The following NDST3 variants were observed in gnomAD, a reference collection of about 807,000 sequenced individuals.
NDST3 encodes the protein N-deacetylase and N-sulfotransferase 3, also known as bifunctional heparan sulfate N-deacetylase/N-sulfotransferase 3.
NDST3 carries 58 observed loss-of-function variants against 96.1 expected under a neutral mutation model. The ratio of observed to expected loss-of-function variants is 0.60; its 90% CI spans 0.49 to 0.75. NDST3 has a LOEUF of 0.75. NDST3 is among the 30% of genes least tolerant of loss of function. NDST3 has a pLI of 0.00. For synonymous variants in NDST3, 333 were observed against 359.7 expected (o/e 0.93, Z 0.84); for missense variants, 788 against 1,034.2 (o/e 0.76, Z 3.27).
At chr4:118,225,665 T>C (rs1159463379) in intron 7 of NDST3, among the ~76,000 whole-genome samples, 1 of 152,168 alleles carries the variant, frequency 6.6e-6, no homozygotes, top group Non-Finnish European at 1.5e-5. Flanking sequence ...GAAGTAGAAC[T>C]CAGTAACTTT....
chr4:118,043,251 A>C (rs1465367869), intron 1 of NDST3, among the ~76,000 whole-genome samples: 1 of 152,224 alleles, frequency 6.6e-6, no homozygotes, highest in East Asian at 1.9e-4. Context: ...GTAACTTCAA[A>C]AGATAAGTTA....
chr4:118,236,644 T>G (rs1032974664), intron 9 of NDST3, among the ~76,000 whole-genome samples: 1 of 152,234 alleles, frequency 6.6e-6, no homozygotes, highest in African/African-American at 2.4e-5. Flanking sequence ...CTCTAAATCC[T>G]TTTAAAATGT....
chr4:118,091,079 G>C (rs1038570889), intron 2 of NDST3, among the ~76,000 whole-genome samples: 2 of 151,424 alleles, frequency 1.3e-5, no homozygotes, highest in African/African-American at 2.4e-5. Context: ...AAACAAAAAT[G>C]CTGTTAGAAT....
chr4:118,233,618 TCAA>T (rs1740452837), intron 9 of NDST3, among the ~76,000 whole-genome samples: 1 of 152,124 alleles, frequency 6.6e-6, no homozygotes, highest in Admixed American at 6.5e-5. Flanking sequence ...AAAAAAACTA[TCAA>T]CAATACACAG....
intron 8 of NDST3, among the ~76,000 whole-genome samples, chr4:118,231,999 T>C (rs13130953): frequency 0.061 from 9,286 of 152,250 alleles, 384 homozygotes; most frequent in Non-Finnish European, 0.092. Flanking sequence ...TTCTCTTCCC[T>C]AGTAAATGCA....
chr4:118,194,152 G>T, intron 6 of NDST3: 1 of 874,000 alleles, frequency 1.1e-6, no homozygotes, highest in Non-Finnish European at 1.9e-6. Context: ...CTTTCTACAT[G>T]CACTGAATGG....
chr4:118,033,659 T>C (rs1294423650), upstream of NDST3: 1 of 151,610 alleles, frequency 6.6e-6, no homozygotes, highest in Non-Finnish European at 1.5e-5. Context: ...CCCAGGGCCG[T>C]GGTTCTCCAG....
intron 6 of NDST3, among the ~76,000 whole-genome samples, chr4:118,150,554 A>G (rs1734318894): frequency 6.6e-6 from 1 of 150,556 alleles, no homozygotes; most frequent in African/African-American, 2.5e-5. Flanking sequence ...AAAACAAACA[A>G]CCCCATCAAA....
chr4:118,066,179 A>G (rs1378293714), intron 2 of NDST3, among the ~76,000 whole-genome samples: 1 of 23,044 alleles, frequency 4.3e-5, no homozygotes, highest in Non-Finnish European at 1.2e-4. Context: ...TATTTTATAT[A>G]TTATATATCT....
rs768992581 is a variant in NDST3, at chr4:118,240,538, T to G, written c.2133T>G (p.His711Gln). Residue 711 changes from histidine (H) to glutamine (Q), a missense_variant, in exon 11 of 14, where the codon CAT (histidine) becomes CAG (glutamine). Transcript: ENST00000296499. ...AYSWYQHQRSHEDPAALKFSF... is the reference protein window; with the variant it reads ...AYSWYQHQRSQEDPAALKFSF... ...TTTCATCATAGCATCAGCGATCACA[T>G]GAAGACCCTGCAGCTCTGAAGTTTA... 6.2e-7 allele frequency: 1 copy of G among 1,611,906 alleles called. No homozygotes were observed. Among genetic ancestry groups the G allele is most frequent in the South Asian group, 1.1e-5 (1 of 90,746 alleles).
chr4:118,086,688 A>G (rs1335134039), intron 2 of NDST3, among the ~76,000 whole-genome samples: 1 of 152,174 alleles, frequency 6.6e-6, no homozygotes, highest in African/African-American at 2.4e-5. Context: ...GCCTTAATCT[A>G]CAGTCTATAC....
At chr4:118,157,589 A>AT (rs1348222552) in intron 6 of NDST3, among the ~76,000 whole-genome samples, 3 of 151,814 alleles carry the variant, frequency 2.0e-5, no homozygotes, top group Admixed American at 2.0e-4. Flanking sequence ...TGCCCGGCTA[A>AT]TTTTTTGTAT....
intron 13 of NDST3, among the ~76,000 whole-genome samples, chr4:118,253,965 G>A (rs1303251036): frequency 1.3e-5 from 2 of 152,214 alleles, no homozygotes; most frequent in African/African-American, 4.8e-5. Context: ...TTTTGGCCGA[G>A]TGTGGCGGCT....
At chr4:118,187,938 A>T (rs2125961029) in intron 6 of NDST3, among the ~76,000 whole-genome samples, 1 of 152,294 alleles carries the variant, frequency 6.6e-6, no homozygotes, top group South Asian at 2.1e-4. Context: ...TGCTCCCAGA[A>T]GACCCAGTCT....
intron 6 of NDST3, among the ~76,000 whole-genome samples, chr4:118,147,586 T>C (rs2125911415): frequency 6.6e-6 from 1 of 152,334 alleles, no homozygotes; most frequent in Non-Finnish European, 1.5e-5. Flanking sequence ...TGACTGCATC[T>C]GCCCTCAATA....
chr4:118,074,551 G>A (rs531145292), intron 2 of NDST3, among the ~76,000 whole-genome samples: 5 of 152,220 alleles, frequency 3.3e-5, no homozygotes, highest in African/African-American at 1.2e-4. Flanking sequence ...TTGTCTGAAA[G>A]AAGGATAACA....
intron 6 of NDST3, among the ~76,000 whole-genome samples, chr4:118,155,913 T>G (rs1051159841): frequency 5.3e-5 from 8 of 152,208 alleles, no homozygotes; most frequent in African/African-American, 1.7e-4. Context: ...GATATTAAGT[T>G]GGAGAAATGA....
intron 3 of NDST3, 49 bp downstream of exon 3, chr4:118,105,154 T>G (rs765158362): frequency 7.0e-7 from 1 of 1,419,504 alleles, no homozygotes; most frequent in Admixed American, 1.7e-5. Flanking sequence ...CTGATCACTC[T>G]ATTTAAAATT....
intron 1 of NDST3, among the ~76,000 whole-genome samples, chr4:118,036,815 A>C (rs1447442402): frequency 2.0e-5 from 3 of 152,208 alleles, no homozygotes; most frequent in African/African-American, 7.2e-5. Context: ...TACTACAATT[A>C]ATTAATGTCT....
Sources: allele counts gnomAD v4.1 joint callset (sites outside exome capture counted in the v4.1 genomes callset), GRCh38; gene constraint gnomAD v4.1.1; transcripts MANE v1.5; gene names NCBI Gene and HGNC (gene_info 2026-07-23, HGNC 2026-07-21).